Variants in CABIN1 observed in about 807,000 individuals in gnomAD.
The protein encoded by CABIN1 is calcineurin-binding protein cabin-1.
Under a neutral mutation model 227.7 loss-of-function variants are expected in CABIN1, and 133 were observed. The ratio of observed to expected loss-of-function variants is 0.58; its 90% confidence interval spans 0.51 to 0.67. The LOEUF (loss-of-function observed/expected upper bound fraction) is 0.67. CABIN1 is among the 30% of genes least tolerant of loss of function. The probability of loss-of-function intolerance (pLI) is 0.00; values close to 1 mark genes in which losing one functional copy is unlikely to be tolerated. For synonymous variants in CABIN1, 1,086 were observed against 1,155.1 expected (o/e 0.94, Z 1.21); for missense variants, 2,408 against 2,852.5 (o/e 0.84, Z 3.55).
chr22:24,019,117 G>GTTTT (rs1316351102), intron 1 of CABIN1, among the ~76,000 whole-genome samples: 11 of 97,964 alleles, frequency 1.1e-4, no homozygotes, highest in African/African-American at 4.0e-4. Context: ...TTCACTGAGT[G>GTTTT]TTGTTTTTTT....
At chr22:24,041,689 TACAGTC>T (rs1417757715) in intron 5 of CABIN1, among the ~76,000 whole-genome samples, 4 of 152,232 alleles carry the variant, frequency 2.6e-5, no homozygotes, top group African/African-American at 9.6e-5. Flanking sequence ...TATTAATACT[TACAGTC>T]ATAATAGTAT....
chr22:24,027,426 A>T (rs1403288325), intron 1 of CABIN1, among the ~76,000 whole-genome samples: 1 of 152,254 alleles, frequency 6.6e-6, no homozygotes, highest in African/African-American at 2.4e-5. Context: ...AGGACAGATG[A>T]CAGTGGATAT....
chr22:24,174,943 G>T (rs1360148250), intron 34 of CABIN1, among the ~76,000 whole-genome samples: 1 of 152,116 alleles, frequency 6.6e-6, no homozygotes, highest in Non-Finnish European at 1.5e-5. Flanking sequence ...AGGGCCAGGG[G>T]TAGCGGAGTA....
chr22:24,042,075 C>A (rs2037422345), intron 5 of CABIN1, among the ~76,000 whole-genome samples: 1 of 152,194 alleles, frequency 6.6e-6, no homozygotes, highest in Non-Finnish European at 1.5e-5. Flanking sequence ...CCTCATGCCC[C>A]CAAGTAGCTG....
intron 6 of CABIN1, among the ~76,000 whole-genome samples, chr22:24,048,584 C>T (rs989094071): frequency 6.6e-6 from 1 of 152,142 alleles, no homozygotes; most frequent in Non-Finnish European, 1.5e-5. Flanking sequence ...ACATGCCTGA[C>T]TAATTTTTGT....
At chr22:24,167,885 C>T (rs1479756092) in intron 32 of CABIN1, among the ~76,000 whole-genome samples, 1 of 152,174 alleles carries the variant, frequency 6.6e-6, no homozygotes, top group East Asian at 1.9e-4. Context: ...AATCCCTAGA[C>T]ACACTTGACA....
At chr22:24,018,238 A>G (rs965832188) in intron 1 of CABIN1, among the ~76,000 whole-genome samples, 3 of 151,848 alleles carry the variant, frequency 2.0e-5, no homozygotes, top group African/African-American at 7.3e-5. Flanking sequence ...TTTTCTCCCA[A>G]TTTGTTAGCT....
In CABIN1 at chr22:24,167,258, A is replaced by G. The variant is rs190081239; in HGVS notation, c.5627A>G (p.Tyr1876Cys). 3.1e-6 allele frequency: 5 copies of G among 1,613,500 alleles called. No homozygotes were observed. In the African/African-American group the frequency reaches 4.0e-5, roughly 13 times the overall value. The change falls in exon 32 of 37, where the codon TAT (tyrosine) becomes TGT (cysteine). Residue 1876 changes from tyrosine to cysteine, a missense_variant. Physicochemically the swap from Tyr to Cys is radical, Grantham distance 194. Around this residue, in one of 3 missense-constraint regions of CABIN1, gnomAD observed 714 missense variants for 773.8 expected, o/e 0.92. Transcript: ENST00000263119. ...CAGCAGGGCCAGAAGGGTGTGGCCTATGACCTGGGCCGTGTGGAGAGGATC... is the reference window on the plus strand; with the variant it reads ...CAGCAGGGCCAGAAGGGTGTGGCCTGTGACCTGGGCCGTGTGGAGAGGATC... ...VWQQGQKGVA[Y>C]DLGRVERIMS...
chr22:24,110,029 G>A (rs1161500496), intron 26 of CABIN1, among the ~76,000 whole-genome samples: 2 of 152,152 alleles, frequency 1.3e-5, no homozygotes, highest in African/African-American at 4.8e-5. Flanking sequence ...AGATTAGCTG[G>A]GTGTGGTGGG....
At chr22:24,022,074 C>A (rs2035764514) in intron 1 of CABIN1, among the ~76,000 whole-genome samples, 2 of 152,174 alleles carry the variant, frequency 1.3e-5, no homozygotes, top group East Asian at 1.9e-4. Context: ...TGATGTCTAT[C>A]CCTGTGCTAT....
chr22:24,066,917 C>T, intron 15 of CABIN1, 70 bp from the exon 16 acceptor site: 2 of 1,474,316 alleles, frequency 1.4e-6, no homozygotes, highest in Non-Finnish European at 1.9e-6. Flanking sequence ...TAAAAACAAA[C>T]ACTGGCCAGA....
rs771847163 is a variant in CABIN1, at chr22:24,049,250, T to G, written c.656+30T>G. On this transcript the variant is annotated intron_variant, in intron 7 of 36. Transcript: ENST00000263119. ...GTCCTGCCTCTTCCCATGCCATGTG[T>G]GCACGCTTACTGTGTGGCTGGTGAA... 3 of 1,610,124 alleles carry G rather than the reference T, an allele frequency of 1.9e-6. No individual in the cohort carries two copies. In the Admixed American group the frequency reaches 5.0e-5, roughly 27 times the overall value.
intron 26 of CABIN1, among the ~76,000 whole-genome samples, chr22:24,103,991 G>A (rs950698601): frequency 6.6e-6 from 1 of 152,162 alleles, no homozygotes; most frequent in Non-Finnish European, 1.5e-5. Flanking sequence ...GAGGCCTGCA[G>A]GCCCATTTAG....
chr22:24,083,900 G>A (rs1601974730), intron 20 of CABIN1, among the ~76,000 whole-genome samples: 1 of 152,180 alleles, frequency 6.6e-6, no homozygotes, highest in South Asian at 2.1e-4. Context: ...TTTTTAGAGC[G>A]CTATTGAGTG....
chr22:24,177,526 G>C lies in CABIN1; in HGVS notation c.6228G>C (p.Pro2076=), dbSNP rs937855578. The C allele has an allele frequency of 6.5e-7, 1 of 1,545,808 alleles. No homozygotes were observed. Among genetic ancestry groups the C allele is most frequent in the Admixed American group, 2.0e-5 (1 of 50,228 alleles). ...CAGAGGGGAAACTGAGGCCTGAGCC[G>C]AGAAGGGATGGGGAGGCTCAGGAGG... ...CSQEGKLRPE[P]RRDGEAQEAA... is the part of the protein sequence containing the mutation. Residue 2076 remains proline (P), a synonymous_variant, in exon 36 of 37, where the codon CCG becomes CCC. Coordinates refer to ENST00000263119, the MANE Select transcript of CABIN1 (RefSeq NM_012295.4). This position sits in a 1 kb window ranked among gnomAD's most constrained non-coding sequence, Gnocchi z 4.4.
At chr22:24,143,136 G>A (rs1177282567) in intron 29 of CABIN1, among the ~76,000 whole-genome samples, 2 of 152,212 alleles carry the variant, frequency 1.3e-5, no homozygotes, top group Non-Finnish European at 2.9e-5. Flanking sequence ...AGTCTGTGCT[G>A]GAGGAGGGGT....
chr22:24,037,133 G>A lies in CABIN1; in HGVS notation c.96+952G>A, dbSNP rs201812223. 7.4e-3 allele frequency among the ~76,000 whole-genome samples: 1,130 copies of A among 152,032 alleles called. 5 individuals carry two copies. Among genetic ancestry groups the A allele is most frequent in the South Asian group, 0.013 (64 of 4,820 alleles). On this transcript the variant is annotated intron_variant, in intron 3 of 36. Coordinates refer to ENST00000263119, the MANE Select transcript of CABIN1 (RefSeq NM_012295.4). ...AAATTAGCTGGGCGTGGTGGTGCAT[G>A]TCTGTAGTCCCAGCTACTAGGGAGG...
At chr22:24,024,936 A>T (rs1303395798) in intron 1 of CABIN1, among the ~76,000 whole-genome samples, 1 of 151,600 alleles carries the variant, frequency 6.6e-6, no homozygotes, top group African/African-American at 2.4e-5. Context: ...ATCTATCCTG[A>T]TTTCCTTTAG....
intron 18 of CABIN1, among the ~76,000 whole-genome samples, chr22:24,075,566 G>A (rs2040383596): frequency 6.6e-6 from 1 of 152,094 alleles, no homozygotes; most frequent in African/African-American, 2.4e-5. Flanking sequence ...GCAACATAGT[G>A]AAACCCTGTC....
Sources: allele counts gnomAD v4.1 joint callset (sites outside exome capture counted in the v4.1 genomes callset), GRCh38; gene constraint gnomAD v4.1.1; regional missense constraint gnomAD v4.1.1; non-coding constraint Gnocchi (gnomAD v3.1); transcripts MANE v1.5; gene names NCBI Gene and HGNC (gene_info 2026-07-23, HGNC 2026-07-21).